The following UNC13B variants were observed in gnomAD, a reference collection of about 807,000 sequenced individuals.
UNC13B encodes protein unc-13 homolog B.
A neutral mutation model predicts 211.0 loss-of-function variants in UNC13B; 144 were observed. The ratio of observed to expected loss-of-function variants is 0.68; its 90% CI spans 0.60 to 0.78. The LOEUF is 0.78. UNC13B is among the 30% of genes least tolerant of loss of function. UNC13B has a pLI of 0.00. For synonymous variants in UNC13B, 709 were observed against 725.8 expected (o/e 0.98, Z 0.37); for missense variants, 1,777 against 2,002.0 (o/e 0.89, Z 2.14).
intron 7 of UNC13B, among the ~76,000 whole-genome samples, chr9:35,288,292 C>T (rs1046181634): frequency 7.2e-5 from 11 of 152,180 alleles, no homozygotes; most frequent in East Asian, 3.8e-4. Context: ...CTCTTAAAAG[C>T]TCTGATAGCT....
intron 7 of UNC13B, among the ~76,000 whole-genome samples, chr9:35,290,875 G>A (rs1228366786): frequency 1.3e-5 from 2 of 152,072 alleles, no homozygotes; most frequent in East Asian, 3.9e-4. Flanking sequence ...CAGAGAACAA[G>A]AATACTTTGT....
At chr9:35,344,401 G>A (rs977638815) in intron 11 of UNC13B, among the ~76,000 whole-genome samples, 7 of 152,186 alleles carry the variant, frequency 4.6e-5, no homozygotes, top group Non-Finnish European at 1.0e-4. Context: ...CTTGAATGCA[G>A]CATGTTGTCA....
chr9:35,343,566 A>C (rs2069008), intron 11 of UNC13B, among the ~76,000 whole-genome samples: 12,322 of 152,206 alleles, frequency 0.081, 652 homozygotes, highest in East Asian at 0.3. Context: ...TACCTTGAGG[A>C]GGATTGAACC....
chr9:35,245,894 T>G (rs1179502151), intron 6 of UNC13B, among the ~76,000 whole-genome samples: 4 of 152,196 alleles, frequency 2.6e-5, no homozygotes, highest in Non-Finnish European at 5.9e-5. Context: ...TCAGATGGTA[T>G]TTCTAGTTCT....
chr9:35,235,849 G>A (rs189148784), intron 3 of UNC13B, among the ~76,000 whole-genome samples: 1 of 152,308 alleles, frequency 6.6e-6, no homozygotes, highest in East Asian at 1.9e-4. Context: ...GCCTATGGGT[G>A]GAAATTGGCA....
intron 7 of UNC13B, among the ~76,000 whole-genome samples, chr9:35,292,269 G>A (rs577753098): frequency 6.6e-6 from 1 of 152,268 alleles, no homozygotes; most frequent in East Asian, 1.9e-4. Flanking sequence ...TGCCTGCTGT[G>A]TGCTTGGAGG....
chr9:35,375,268 C>T (rs915198574), intron 14 of UNC13B, 67 bp downstream of exon 14: 3 of 1,523,026 alleles, frequency 2.0e-6, no homozygotes, highest in Non-Finnish European at 2.7e-6. Flanking sequence ...TGTAGCCATG[C>T]TATTAATAAT....
In UNC13B at chr9:35,375,545, A is replaced by G. The variant is rs536262792; in HGVS notation, c.9615+344A>G. Among the ~76,000 whole-genome samples, 6 of 152,304 alleles carry G rather than the reference A, an allele frequency of 3.9e-5. No individual in the cohort carries two copies. In the East Asian group the frequency reaches 7.7e-4, roughly 20 times the overall value. ...ACCTGTGTTGGACAACCAGAAGCAC[A>G]CTATATTGTGGGCCTCATTCTGCTA... On this transcript the variant is annotated intron_variant, in intron 14 of 39. Coordinates refer to ENST00000635942, the MANE Select transcript of UNC13B (RefSeq NM_001371189.2).
intron 3 of UNC13B, 92 bp downstream of exon 3, chr9:35,231,311 T>G: frequency 1.2e-6 from 1 of 862,128 alleles, no homozygotes; most frequent in Non-Finnish European, 1.9e-6. Flanking sequence ...TTTTGTGTAT[T>G]TTTGAGATTT....
At chr9:35,350,316 T>G (rs1040986202) in intron 11 of UNC13B, among the ~76,000 whole-genome samples, 38 of 152,226 alleles carry the variant, frequency 2.5e-4, no homozygotes, top group African/African-American at 9.2e-4. Flanking sequence ...TAAAGCACCC[T>G]GGAGCCCTCT....
intron 7 of UNC13B, among the ~76,000 whole-genome samples, chr9:35,260,931 C>T (rs1827239175): frequency 6.6e-6 from 1 of 152,122 alleles, no homozygotes; most frequent in African/African-American, 2.4e-5. Context: ...GATTAAAGCG[C>T]AAATGCCAAG....
At chr9:35,279,692 G>T (rs1201860634) in intron 7 of UNC13B, among the ~76,000 whole-genome samples, 2 of 152,146 alleles carry the variant, frequency 1.3e-5, no homozygotes, top group Non-Finnish European at 2.9e-5. Context: ...AAGTGCGATT[G>T]CTGGGCCAAA....
intron 7 of UNC13B, among the ~76,000 whole-genome samples, chr9:35,286,942 G>A (rs890965667): frequency 1.3e-5 from 2 of 151,942 alleles, no homozygotes; most frequent in Non-Finnish European, 2.9e-5. Context: ...CCGTAGACGG[G>A]TAAACATAAG....
Position 35,231,182 on chromosome 9 carries a change from C to G in UNC13B, c.115C>G (p.Arg39Gly). 1 of 1,613,294 alleles carries G rather than the reference C, an allele frequency of 6.2e-7. No homozygotes were observed. The highest frequency in any genetic ancestry group is 1.7e-4 in the Middle Eastern group (1 of 6,052). The change falls in exon 3 of 40, where the codon CGT (arginine) becomes GGT (glycine). Residue 39 changes from arginine to glycine, a missense_variant. Transcript: ENST00000635942. ...TGTGAAGAGCACAACTGTAGCAGTT[C>G]GTGGTGATCAGCCTTCCTGGGAACA... ...QNVKSTTVAV[R>G]GDQPSWEQDF...
At chr9:35,173,948 A>G (rs1379427524) in intron 1 of UNC13B, among the ~76,000 whole-genome samples, 1 of 152,228 alleles carries the variant, frequency 6.6e-6, no homozygotes, top group East Asian at 1.9e-4. Context: ...TTGTTAGGGT[A>G]GTAGTACCAG....
intron 13 of UNC13B, among the ~76,000 whole-genome samples, chr9:35,370,993 T>C (rs1360370203): frequency 1.3e-5 from 2 of 152,216 alleles, no homozygotes; most frequent in Non-Finnish European, 2.9e-5. Context: ...TCATACCTTC[T>C]GAGGCACAAA....
intron 1 of UNC13B, among the ~76,000 whole-genome samples, chr9:35,196,533 T>G (rs1822951806): frequency 6.6e-6 from 1 of 152,234 alleles, no homozygotes; most frequent in South Asian, 2.1e-4. Context: ...CCTTTACTTG[T>G]AAAGATCTTG....
At chr9:35,214,926 A>G (rs1020366204) in intron 1 of UNC13B, among the ~76,000 whole-genome samples, 1 of 152,214 alleles carries the variant, frequency 6.6e-6, no homozygotes, top group African/African-American at 2.4e-5. Flanking sequence ...TTCTTTCTCC[A>G]CTGCTGTATC....
chr9:35,212,814 C>T (rs1323309365), intron 1 of UNC13B, among the ~76,000 whole-genome samples: 2 of 152,172 alleles, frequency 1.3e-5, no homozygotes, highest in Non-Finnish European at 2.9e-5. Flanking sequence ...GCTTTAAGAA[C>T]ATGAGAGTTG....
Sources: allele counts gnomAD v4.1 joint callset (sites outside exome capture counted in the v4.1 genomes callset), GRCh38; gene constraint gnomAD v4.1.1; transcripts MANE v1.5; gene names NCBI Gene and HGNC (gene_info 2026-07-23, HGNC 2026-07-21).